Variants in SIGIRR observed in about 807,000 individuals in gnomAD.
The protein encoded by SIGIRR is single Ig and TIR domain containing.
SIGIRR carries 41 observed loss-of-function variants against 45.6 expected under a neutral mutation model. The observed-to-expected ratio is 0.90, with a 90% CI of 0.70 to 1.17. The LOEUF is 1.17. Among genes scored for constraint, SIGIRR ranks in the 50% most tolerant of loss-of-function variants. The pLI is 0.00. For synonymous variants in SIGIRR, 298 were observed against 239.0 expected (o/e 1.25, Z -2.28); for missense variants, 599 against 539.6 (o/e 1.11, Z -1.09).
chr11:409,922 C>G lies in SIGIRR; in HGVS notation c.-48G>C, dbSNP rs1289032412. On this transcript the variant is annotated 5_prime_UTR_variant, in exon 2 of 10. Coordinates refer to ENST00000431843, the MANE Select transcript of SIGIRR (RefSeq NM_001135054.2). ...GGGGCAGGCTGGGCTCCAGGGTCAC[C>G]CCTGGCTCCACCGGGCTCCTCGGCC... is the stretch of plus-strand genomic sequence containing the variant. The G allele has an allele frequency of 2.2e-5, 28 of 1,284,514 alleles. No individual in the cohort carries two copies. Among genetic ancestry groups the G allele is most frequent in the Non-Finnish European group, 2.8e-5 (28 of 1,009,380 alleles). 79.6% of individuals were successfully genotyped at this position (1,284,514 alleles called of 1,614,324 possible). A position where few individuals can be genotyped will look rare whatever the true frequency, so the allele number is the denominator to read the frequency against.
chr11:414,935 T>C lies in SIGIRR; in HGVS notation c.-266A>G, dbSNP rs573102032. 616 of 958,762 alleles carry C rather than the reference T, an allele frequency of 6.4e-4. 2 individuals carry two copies. Among genetic ancestry groups the C allele is most frequent in the Middle Eastern group, 1.1e-3 (2 of 1,854 alleles). 59.4% of individuals were successfully genotyped at this position (958,762 alleles called of 1,614,324 possible). On this transcript the variant is annotated 5_prime_UTR_variant, in exon 1 of 10. Transcript: ENST00000431843. Reference sequence around the variant, plus strand: ...AGTGTCCACAGCACCAAGGCTGCTATGGATGCATCGCCAAGCGCGGTGGGG... The same window carrying C: ...AGTGTCCACAGCACCAAGGCTGCTACGGATGCATCGCCAAGCGCGGTGGGG...
rs1017631045 is a variant in SIGIRR at position 414,835 on chromosome 11, C to G, written c.-166G>C. The G allele has an allele frequency of 1.0e-6, 1 of 985,452 alleles. No individual in the cohort carries two copies. The highest frequency in any genetic ancestry group is 1.7e-5 in the African/African-American group (1 of 57,232). 61.0% of individuals were successfully genotyped at this position (985,452 alleles called of 1,614,324 possible). On this transcript the variant is annotated 5_prime_UTR_variant, in exon 1 of 10. Transcript: ENST00000431843. ...GGAAGGCAGTCACCTGGTTCCAGTT[C>G]TTTCCTCCGGGGGGCAAATGTTGGT...
intron 2 of SIGIRR, 21 bp downstream of exon 2, chr11:409,847 A>G: frequency 7.4e-6 from 10 of 1,359,548 alleles, no homozygotes; most frequent in Non-Finnish European, 9.5e-6. Context: ...ATTCAAGCCC[A>G]TCCCTCTCTG....
intron 2 of SIGIRR, 118 bp from the exon 3 acceptor site, chr11:409,011 G>A (rs1847475835): frequency 1.1e-6 from 1 of 886,078 alleles, no homozygotes; most frequent in Non-Finnish European, 1.8e-6. Flanking sequence ...GTCACACCAT[G>A]TCTGTCCACG....
chr11:413,093 C>T (rs1040676226), intron 1 of SIGIRR, among the ~76,000 whole-genome samples: 3 of 152,168 alleles, frequency 2.0e-5, no homozygotes, highest in African/African-American at 4.8e-5. Context: ...CTCCCTGCTG[C>T]AGGGACACAG....
At chr11:406,780 G>A (rs1847328247) in intron 8 of SIGIRR, 63 bp downstream of exon 8, 1 of 1,451,924 alleles carries the variant, frequency 6.9e-7, no homozygotes, top group Non-Finnish European at 9.0e-7. Context: ...CCAGCCTGGA[G>A]CCCGGGCACC....
At position 405,779 on chromosome 11, in the gene SIGIRR, A is replaced by T; in HGVS notation, c.*117T>A. On this transcript the variant is annotated 3_prime_UTR_variant, in exon 10 of 10. Coordinates refer to ENST00000431843, the MANE Select transcript of SIGIRR (RefSeq NM_001135054.2). ...CGCCCTGAGGCCACAGCCTTTTCCC[A>T]GGGCTGCTGGCAGGGTCCCAGGGCT... 7.6e-7 allele frequency: 1 copy of T among 1,320,190 alleles called. No homozygotes were observed. Among genetic ancestry groups the T allele is most frequent in the Non-Finnish European group, 1.0e-6 (1 of 977,492 alleles). 81.8% of individuals were successfully genotyped at this position (1,320,190 alleles called of 1,614,324 possible).
chr11:409,529 T>A (rs1488837979), intron 2 of SIGIRR: 1 of 377,724 alleles, frequency 2.6e-6, no homozygotes, highest in Non-Finnish European at 4.7e-6. Context: ...TAGCGGGAGG[T>A]CAAACCACCA....
Position 410,009 on chromosome 11 carries a change from C to A in SIGIRR, c.-135G>T, listed in dbSNP as rs1021982576. On this transcript the variant is annotated 5_prime_UTR_variant, in exon 2 of 10. Transcript: ENST00000431843. ...TGTCCTTGCAGTCAGCTGGACAGGG[C>A]ACCTGGACAGGTCAGAGGCTGCCGC... 8.0e-7 allele frequency: 1 copy of A among 1,243,888 alleles called. No individual in the cohort carries two copies. Among genetic ancestry groups the A allele is most frequent in the Non-Finnish European group, 1.0e-6 (1 of 994,030 alleles). The allele number at this position is 1,243,888 out of a possible 1,614,324, so 77.1% of individuals were successfully genotyped here.
At chr11:415,679 G>A (rs1340737705), upstream of SIGIRR, among the ~76,000 whole-genome samples, 1 of 152,210 alleles carries the variant, frequency 6.6e-6, no homozygotes, top group African/African-American at 2.4e-5. The surrounding 1 kb of genome is among the most constrained non-coding windows in gnomAD (Gnocchi z 6.6). Flanking sequence ...CTTCAGGCTG[G>A]GGTGGGAGGG....
chr11:414,590 A>G (rs1167957744), intron 1 of SIGIRR, among the ~76,000 whole-genome samples: 1 of 152,080 alleles, frequency 6.6e-6, no homozygotes, highest in Non-Finnish European at 1.5e-5. Context: ...TGTTGAGTAT[A>G]TACAACACCC....
At chr11:414,024 C>T (rs1244410584) in intron 1 of SIGIRR, among the ~76,000 whole-genome samples, 1 of 117,130 alleles carries the variant, frequency 8.5e-6, no homozygotes. Context: ...GCACCCTCTC[C>T]CCTGCACACC....
chr11:407,365 A>ATGGGC (rs1564888381), intron 6 of SIGIRR, 60 bp downstream of exon 6: 1 of 1,155,452 alleles, frequency 8.7e-7, no homozygotes, highest in Non-Finnish European at 1.1e-6. Flanking sequence ...GGGACGGAGC[A>ATGGGC]TGGGGCGGGG....
Position 406,859 on chromosome 11 carries a change from C to T in SIGIRR, c.863G>A (p.Trp288Ter), listed in dbSNP as rs1847334097. Residue 288 changes from tryptophan (W) to a stop codon, truncating the protein, a stop_gained, in exon 8 of 10, where the codon TGG (tryptophan) becomes TAG (stop). Transcript: ENST00000431843. LOFTEE classifies it high-confidence loss of function. The part of the protein sequence containing the change: ...QHRHLVTLLL[W>*]RPGSVTPSSD... Reference sequence around the variant, plus strand: ...GCTCCGCACCACGGAGCCGGGCCTCCAGAGCAGCAAGGTCACCAGGTGGCG... The same window carrying T: ...GCTCCGCACCACGGAGCCGGGCCTCTAGAGCAGCAAGGTCACCAGGTGGCG... The T allele has an allele frequency of 1.9e-6, 3 of 1,570,470 alleles. No individual in the cohort carries two copies. Among genetic ancestry groups the T allele is most frequent in the Non-Finnish European group, 2.6e-6 (3 of 1,164,728 alleles).
Position 406,460 on chromosome 11 carries a change from G to A in SIGIRR, c.958C>T (p.Pro320Ser), listed in dbSNP as rs1482602146. Residue 320 changes from proline to serine, a missense_variant, in exon 9 of 10, where the codon CCC becomes TCC. Physicochemically the swap from Pro to Ser is moderately conservative, Grantham distance 74. Coordinates refer to ENST00000431843, the MANE Select transcript of SIGIRR (RefSeq NM_001135054.2). The part of the protein sequence containing the change: ...KVQYRPVEGD[P>S]QTQLQDDKDP... ...TTGTCGTCCTGCAGCTGCGTCTGGGGGTCTCCTTCCACAGGCCTGTACTGC... is the reference window on the plus strand; with the variant it reads ...TTGTCGTCCTGCAGCTGCGTCTGGGAGTCTCCTTCCACAGGCCTGTACTGC... 6.2e-7 allele frequency: 1 copy of A among 1,612,632 alleles called. No homozygotes were observed.
chr11:406,688 G>C (rs1193218410), intron 8 of SIGIRR, 150 bp from the exon 9 acceptor site: 3 of 1,403,724 alleles, frequency 2.1e-6, no homozygotes, highest in African/African-American at 2.9e-5. Flanking sequence ...GCGGCTCCCC[G>C]CATCGGGGCC....
rs1054298664 is a variant in SIGIRR at position 407,564 on chromosome 11, C to T, written c.486G>A (p.Gly162=). ...DAYGEVEIND[G]KLYDAYVSYS... is the part of the protein sequence containing the mutation. Reference sequence around the variant, plus strand: ...AGGAGACGTAGGCGTCGTAGAGCTTCCCGTCTGCGGACGGCGGCCAGTCAC... The same window carrying T: ...AGGAGACGTAGGCGTCGTAGAGCTTTCCGTCTGCGGACGGCGGCCAGTCAC... Residue 162 remains glycine, a synonymous_variant, in exon 6 of 10, where the codon GGG becomes GGA. Transcript: ENST00000431843. The T allele has an allele frequency of 6.2e-7, 1 of 1,606,874 alleles. No homozygotes were observed. The highest frequency in any genetic ancestry group is 8.5e-7 in the Non-Finnish European group (1 of 1,176,514).
chr11:407,527 G>A lies in SIGIRR; in HGVS notation c.523C>T (p.Pro175Ser). 1 of 1,609,246 alleles carries A rather than the reference G, an allele frequency of 6.2e-7. No individual in the cohort carries two copies. ...YDAYVSYSDC[P>S]EDRKFVNFIL... ...AAGTTCACGAACTTGCGGTCCTCGG[G>A]GCAGTCGCTGTAGGAGACGTAGGCG... Residue 175 changes from proline (P) to serine (S), a missense_variant, in exon 6 of 10, where the codon CCC becomes TCC. By Grantham distance (74) the Pro-to-Ser change is moderately conservative. Coordinates refer to ENST00000431843, the MANE Select transcript of SIGIRR (RefSeq NM_001135054.2).
At position 406,553 on chromosome 11, in the gene SIGIRR, G is replaced by A. The variant is rs780513043; in HGVS notation, c.880-15C>T. 6.5e-7 allele frequency: 1 copy of A among 1,544,902 alleles called. No individual in the cohort carries two copies. The highest frequency in any genetic ancestry group is 1.2e-5 in the South Asian group (1 of 84,426). ...GAGGAAGGAGTCTGGGGGCCAGGTC[G>A]GGGCGGTTTGCAGGTGTGAACACCT... On this transcript the variant is annotated splice_polypyrimidine_tract_variant and intron_variant, in intron 8 of 9. Coordinates refer to ENST00000431843, the MANE Select transcript of SIGIRR (RefSeq NM_001135054.2).
Sources: gnomAD v4.1 joint callset for allele counts (sites outside exome capture counted in the v4.1 genomes callset) on GRCh38, gnomAD v4.1.1 for gene constraint, Gnocchi (gnomAD v3.1) non-coding constraint, MANE v1.5 for transcripts, NCBI Gene and HGNC (gene_info 2026-07-23, HGNC 2026-07-21) for gene names.